Variants in TDRD9 observed in about 807,000 individuals in gnomAD.
The protein encoded by TDRD9 is tudor domain containing 9.
In TDRD9, 124 loss-of-function variants were observed where a neutral mutation model predicts 172.6. The observed-to-expected ratio is 0.72, with a 90% confidence interval of 0.62 to 0.83. The LOEUF (loss-of-function observed/expected upper bound fraction) is 0.83, where lower values mean the gene tolerates loss of function less well. Ranked by LOEUF, TDRD9 falls within the 40% of genes least tolerant of loss-of-function variation. The pLI is 0.00. For missense variants in TDRD9, 1,479 were observed against 1,714.1 expected, an observed-to-expected ratio of 0.86 and a Z score of 2.42; for synonymous variants, 619 against 617.1, an observed-to-expected ratio of 1.00 and a Z score of -0.05.
At chr14:104,027,230 A>G (rs901305467) in intron 28 of TDRD9, among the ~76,000 whole-genome samples, 3 of 152,142 alleles carry the variant, frequency 2.0e-5, no homozygotes, top group African/African-American at 4.8e-5. Flanking sequence ...CATATTTTTT[A>G]GTAGAGATAG....
At chr14:104,026,000 A>G (rs1416166720) in intron 26 of TDRD9, 47 bp from the exon 27 acceptor site, 3 of 1,284,468 alleles carry the variant, frequency 2.3e-6, no homozygotes, top group African/African-American at 2.9e-5. Context: ...CAGGTAGGGC[A>G]TTGTTTTTGA....
chr14:104,025,479 G>T, intron 25 of TDRD9, 85 bp from the exon 26 acceptor site: 1 of 995,776 alleles, frequency 1.0e-6, no homozygotes. Context: ...ACAGCACAGG[G>T]TGTCAGCCCT....
intron 28 of TDRD9, among the ~76,000 whole-genome samples, chr14:104,029,855 C>T (rs181199826): frequency 6.6e-6 from 1 of 152,200 alleles, no homozygotes; most frequent in Admixed American, 6.5e-5. Context: ...TCCTTCTATA[C>T]CCAATTTGCT....
rs750672334 is a variant in TDRD9 at position 104,034,967 on chromosome 14, G to T, written c.3627G>T (p.Thr1209=). 1.3e-6 allele frequency: 2 copies of T among 1,551,478 alleles called. No homozygotes were observed. The highest frequency in any genetic ancestry group is 2.4e-5 in the South Asian group (2 of 84,034). The change falls in exon 32 of 36, where the codon ACG becomes ACT. Residue 1209 remains threonine (T), a synonymous_variant. Transcript: ENST00000409874. The stretch of plus-strand genomic sequence containing the variant: ...TTAGCATGACTTGAACAGGATCTAC[G>T]ATGCTGCTGAGAGAAACCTCTCTGA... ...ASLSINATGS[T]MLLRETSLMP...
chr14:104,024,565 G>A lies in TDRD9; in HGVS notation c.2607-4G>A, dbSNP rs553494894. The A allele has an allele frequency of 6.4e-7, 1 of 1,569,604 alleles. No individual in the cohort carries two copies. Among genetic ancestry groups the A allele is most frequent in the Non-Finnish European group, 8.7e-7 (1 of 1,149,400 alleles). ...TTATTTTAATAAAAATTCGTATTATGTAGGGTGAATGTGGACTTCCAGAAG... is the reference window on the plus strand; with the variant it reads ...TTATTTTAATAAAAATTCGTATTATATAGGGTGAATGTGGACTTCCAGAAG... On this transcript the variant is annotated splice_region_variant and splice_polypyrimidine_tract_variant and intron_variant, in intron 24 of 35. Coordinates refer to ENST00000409874, the MANE Select transcript of TDRD9 (RefSeq NM_153046.3).
At chr14:103,992,443 C>CAGTGG (rs1450659958) in intron 9 of TDRD9, among the ~76,000 whole-genome samples, 1 of 152,184 alleles carries the variant, frequency 6.6e-6, no homozygotes, top group African/African-American at 2.4e-5. Context: ...CATGAGCTGA[C>CAGTGG]AGTGGGGTGG....
At chr14:104,027,143 T>C (rs1441145907) in intron 28 of TDRD9, among the ~76,000 whole-genome samples, 1 of 152,234 alleles carries the variant, frequency 6.6e-6, no homozygotes, top group African/African-American at 2.4e-5. Context: ...GGCTGGGTAT[T>C]GTTTTTGTTG....
intron 34 of TDRD9, among the ~76,000 whole-genome samples, chr14:104,046,762 C>T (rs1261309666): frequency 2.0e-5 from 3 of 152,090 alleles, no homozygotes; most frequent in Non-Finnish European, 4.4e-5. Flanking sequence ...TCTCCTGCCT[C>T]AGCCTCCTGA....
Position 103,963,097 on chromosome 14 carries a change from C to A in TDRD9, c.341C>A (p.Ala114Asp). The change falls in exon 3 of 36, where the codon GCT becomes GAT. Residue 114 changes from alanine to aspartate, a missense_variant. By Grantham distance (126) the Ala-to-Asp change is moderately radical. Transcript: ENST00000409874. ...AATCCAGGTCCAAGGCCATCTTTGG[C>A]TAAATTAAGCAGTGTGACATGCATC... is the stretch of plus-strand genomic sequence containing the variant. ...TSGPGPRPSL[A>D]KLSSVTCIPG... The A allele has an allele frequency of 6.5e-7, 1 of 1,546,502 alleles. No individual in the cohort carries two copies. Among genetic ancestry groups the A allele is most frequent in the Non-Finnish European group, 8.7e-7 (1 of 1,145,058 alleles).
In TDRD9 at chr14:104,022,345, G is replaced by C; in HGVS notation, c.2606+15G>C. ...AGGAACACAAGGTATTTTCGGGAGG[G>C]AGGTGGCAGACAGGCCGTGCCTGCT... On this transcript the variant is annotated intron_variant, in intron 24 of 35. Transcript: ENST00000409874. The C allele has an allele frequency of 6.2e-7, 1 of 1,606,916 alleles. No homozygotes were observed. Among genetic ancestry groups the C allele is most frequent in the African/African-American group, 1.3e-5 (1 of 74,832 alleles).
rs758491911 is a variant in TDRD9 at position 104,025,680 on chromosome 14, A to G, written c.2835A>G (p.Pro945=). The G allele has an allele frequency of 1.9e-6, 3 of 1,614,030 alleles. No individual in the cohort carries two copies. In the Admixed American group the frequency reaches 5.0e-5, roughly 27 times the overall value. Residue 945 remains proline, a synonymous_variant, in exon 26 of 36, where the codon CCA becomes CCG. Transcript: ENST00000409874. ...CGCTGGTGCCCTTGCCCACTCACCC[A>G]CATCCAGACTTGGTCTGTCTGGCAC... ...QLTLVPLPTH[P]HPDLVCLAPF...
In TDRD9 at chr14:103,928,742, C is replaced by T. The variant is rs1224844647; in HGVS notation, c.215+18C>T. On this transcript the variant is annotated intron_variant, in intron 1 of 35. Transcript: ENST00000409874. ...TTCGAAAGGTAGGACGCGGGCGGGG[C>T]GGAGGCGGCTGGAGGGCGGCCGGGC... is the stretch of plus-strand genomic sequence containing the variant. The T allele has an allele frequency of 3.8e-6, 4 of 1,056,014 alleles. No homozygotes were observed. The highest frequency in any genetic ancestry group is 4.7e-6 in the Non-Finnish European group (4 of 844,608). The allele number at this position is 1,056,014 out of a possible 1,614,324, so 65.4% of individuals were successfully genotyped here.
intron 1 of TDRD9, among the ~76,000 whole-genome samples, chr14:103,931,284 A>C (rs1317911476): frequency 2.0e-5 from 3 of 148,382 alleles, no homozygotes; most frequent in African/African-American, 7.5e-5. Flanking sequence ...GGGTGACAGA[A>C]TGAGACCCTG....
chr14:104,052,359 G>T lies in TDRD9; in HGVS notation c.*277G>T, dbSNP rs2035958411. The T allele has an allele frequency of 8.2e-6, 2 of 244,194 alleles. No homozygotes were observed. Among genetic ancestry groups the T allele is most frequent in the African/African-American group, 4.4e-5 (2 of 44,992 alleles). The allele number at this position is 244,194 out of a possible 1,614,324, so 15.1% of individuals were successfully genotyped here. A position where few individuals can be genotyped will look rare whatever the true frequency, so the allele number is the denominator to read the frequency against. On this transcript the variant is annotated 3_prime_UTR_variant, in exon 36 of 36. Coordinates refer to ENST00000409874, the MANE Select transcript of TDRD9 (RefSeq NM_153046.3). ...GATTGTTCTGAAAGAAGTCTGTTTGGATAAAGAGCTGTATTTTGCTTTAAA... is the reference window on the plus strand; with the variant it reads ...GATTGTTCTGAAAGAAGTCTGTTTGTATAAAGAGCTGTATTTTGCTTTAAA...
Position 104,007,185 on chromosome 14 carries a change from G to C in TDRD9, c.2033G>C (p.Gly678Ala). The change falls in exon 19 of 36, where the codon GGG (glycine) becomes GCG (alanine). Residue 678 changes from glycine to alanine, a missense_variant. By Grantham distance (60) the Gly-to-Ala change is moderately conservative. Coordinates refer to ENST00000409874, the MANE Select transcript of TDRD9 (RefSeq NM_153046.3). ...FKTWKACRQT[G>A]ELRYPKDELN... ...ACATGGAAGGCTTGCAGACAGACAG[G>C]GGAGCTGCGGTACCCGAAGGTTGGT... is the stretch of plus-strand genomic sequence containing the variant. 4 of 1,613,920 alleles carry C rather than the reference G, an allele frequency of 2.5e-6. No homozygotes were observed. The highest frequency in any genetic ancestry group is 3.4e-6 in the Non-Finnish European group (4 of 1,179,864).
intron 1 of TDRD9, among the ~76,000 whole-genome samples, chr14:103,934,394 G>A (rs547385666): frequency 9.2e-5 from 14 of 152,308 alleles, no homozygotes; most frequent in African/African-American, 3.4e-4. Flanking sequence ...AAAAGTGCTG[G>A]TGCATGTTCT....
rs114946792 is a variant in TDRD9, at chr14:104,042,487, A to G, written c.3974+300A>G. ...TGGTGGGTGTCTTAGGGATTGGGGG[A>G]GTCCGGCTTGTAGGATTGGGCCTTA... is the stretch of plus-strand genomic sequence containing the variant. On this transcript the variant is annotated intron_variant, in intron 34 of 35. Coordinates refer to ENST00000409874, the MANE Select transcript of TDRD9 (RefSeq NM_153046.3). Among the ~76,000 whole-genome samples, 765 of 152,060 alleles carry G rather than the reference A, an allele frequency of 5.0e-3. 8 individuals are homozygous for G. The highest frequency in any genetic ancestry group is 0.018 in the African/African-American group (740 of 41,474).
At chr14:103,963,259 T>C in intron 3 of TDRD9, 83 bp downstream of exon 3, 1 of 1,023,080 alleles carries the variant, frequency 9.8e-7, no homozygotes, top group South Asian at 1.6e-5. Flanking sequence ...ATTTGAAAGT[T>C]ACCAGTTGCC....
intron 18 of TDRD9, 116 bp downstream of exon 18, chr14:104,006,961 C>A: frequency 9.5e-7 from 1 of 1,054,598 alleles, no homozygotes; most frequent in Non-Finnish European, 1.4e-6. Flanking sequence ...AAAGTATTAT[C>A]AGGGTTATTG....
Sources: allele counts gnomAD v4.1 joint callset (sites outside exome capture counted in the v4.1 genomes callset), GRCh38; gene constraint gnomAD v4.1.1; transcripts MANE v1.5; gene names NCBI Gene and HGNC (gene_info 2026-07-23, HGNC 2026-07-21).